TECRL: variants seen among roughly 807,000 people sequenced by gnomAD.
TECRL encodes trans-2,3-enoyl-CoA reductase like.
A neutral mutation model predicts 52.8 loss-of-function variants in TECRL; 63 were observed. The observed-to-expected ratio is 1.19, with a 90% CI of 0.97 to 1.47. The LOEUF (loss-of-function observed/expected upper bound fraction) is 1.47. Ranked by LOEUF, TECRL falls within the 40% of genes most tolerant of loss-of-function variation. The pLI is 0.00. For missense variants in TECRL, 482 were observed against 429.6 expected (o/e 1.12, Z -1.08); for synonymous variants, 164 against 141.9 (o/e 1.16, Z -1.10).
At chr4:64,369,218 C>G (rs1178143793) in intron 2 of TECRL, among the ~76,000 whole-genome samples, 2 of 152,086 alleles carry the variant, frequency 1.3e-5, no homozygotes, top group Admixed American at 1.3e-4. Flanking sequence ...CATTCATTGA[C>G]TCTTTCAATT....
intron 2 of TECRL, among the ~76,000 whole-genome samples, chr4:64,333,196 AT>A (rs1313426516): frequency 6.6e-6 from 1 of 152,142 alleles, no homozygotes; most frequent in African/African-American, 2.4e-5. Flanking sequence ...AAAACAAAAA[AT>A]GTCATAAATA....
intron 6 of TECRL, among the ~76,000 whole-genome samples, chr4:64,306,351 C>T (rs1416857252): frequency 1.3e-5 from 2 of 152,072 alleles, no homozygotes; most frequent in African/African-American, 4.8e-5. Flanking sequence ...TATCCTGGGG[C>T]AACTGAAGGT....
At chr4:64,309,049 G>C (rs1724511660) in intron 6 of TECRL, among the ~76,000 whole-genome samples, 2 of 152,110 alleles carry the variant, frequency 1.3e-5, no homozygotes, top group Non-Finnish European at 2.9e-5. Flanking sequence ...AGGAGTTGTA[G>C]TCTATAATGG....
chr4:64,350,480 T>C (rs1720304460), intron 2 of TECRL, among the ~76,000 whole-genome samples: 1 of 152,234 alleles, frequency 6.6e-6, no homozygotes, highest in African/African-American at 2.4e-5. Context: ...TGGATGTTTC[T>C]ATGAAGGTGT....
Position 64,399,145 on chromosome 4 carries a change from C to T in TECRL, c.234+9973G>A, listed in dbSNP as rs1039663445. The stretch of plus-strand genomic sequence containing the variant: ...GCATAAAAGAGAGATAAAGAAGAGG[C>T]TTTACTGGCCCAACCAGACAAACAG... On this transcript the variant is annotated intron_variant, in intron 1 of 11. Coordinates refer to ENST00000381210, the MANE Select transcript of TECRL (RefSeq NM_001010874.5). Among the ~76,000 whole-genome samples, 6 of 85,256 alleles carry T rather than the reference C, an allele frequency of 7.0e-5. No homozygotes were observed. The South Asian group carries it at 1.9e-3, about 28-fold the overall frequency. 55.9% of individuals were successfully genotyped at this position (85,256 alleles called of 152,430 possible).
At chr4:64,407,081 A>G (rs945901693) in intron 1 of TECRL, among the ~76,000 whole-genome samples, 27 of 152,090 alleles carry the variant, frequency 1.8e-4, no homozygotes, top group African/African-American at 6.5e-4. Flanking sequence ...GAAACAGTTT[A>G]TCAATTTACA....
rs905284766 is a variant in TECRL, at chr4:64,294,838, T to C, written c.775-5071A>G. Among the ~76,000 whole-genome samples, 4 of 152,112 alleles carry C rather than the reference T, an allele frequency of 2.6e-5. No individual in the cohort carries two copies. The South Asian group carries it at 8.3e-4, about 32-fold the overall frequency. ...TCAATATTTCAAAAATAAGGACAAT[T>C]GTAGCTAAATATATTATTACAAAGT... On this transcript the variant is annotated intron_variant, in intron 8 of 11. Transcript: ENST00000381210.
At chr4:64,328,366 T>C (rs1381742892) in intron 3 of TECRL, 146 bp downstream of exon 3, 1 of 585,432 alleles carries the variant, frequency 1.7e-6, no homozygotes, top group Non-Finnish European at 2.9e-6. Context: ...TATTCATTTA[T>C]AAAAGTGGAG....
chr4:64,367,424 A>G (rs1721674984), intron 2 of TECRL, among the ~76,000 whole-genome samples: 1 of 152,168 alleles, frequency 6.6e-6, no homozygotes, highest in African/African-American at 2.4e-5. Context: ...TTATAATTTT[A>G]AAACTAATGC....
At chr4:64,312,761 T>C (rs1717129685) in intron 5 of TECRL, among the ~76,000 whole-genome samples, 1 of 42,606 alleles carries the variant, frequency 2.3e-5, no homozygotes, top group African/African-American at 6.0e-5. Flanking sequence ...AGCAAGACCC[T>C]CTCTCAAAAA....
chr4:64,405,892 T>G (rs556725402), intron 1 of TECRL, among the ~76,000 whole-genome samples: 2 of 152,220 alleles, frequency 1.3e-5, no homozygotes, highest in South Asian at 4.1e-4. Context: ...AAAATGTTGT[T>G]GATATACCCA....
chr4:64,309,716 A>G lies in TECRL; in HGVS notation c.657+110T>C, dbSNP rs1577845792. 6.5e-6 allele frequency: 5 copies of G among 763,942 alleles called. No homozygotes were observed. In the East Asian group the frequency reaches 1.3e-4, roughly 19 times the overall value. The allele number at this position is 763,942 out of a possible 1,614,324, so 47.3% of individuals were successfully genotyped here. The stretch of plus-strand genomic sequence containing the variant: ...AAAGAATGTTTAAGTATGCTTATGC[A>G]ATTAAACGTGAAAATCTAAGTTTCG... On this transcript the variant is annotated intron_variant, in intron 6 of 11. Coordinates refer to ENST00000381210, the MANE Select transcript of TECRL (RefSeq NM_001010874.5).
In TECRL at chr4:64,334,030, C is replaced by CAAAAAAAAAAA. The variant is rs4034910; in HGVS notation, c.287-5485_287-5475dup. On this transcript the variant is annotated intron_variant, in intron 2 of 11. Transcript: ENST00000381210. The stretch of plus-strand genomic sequence containing the variant: ...TGGGCGACAGAGCGAGACTCCGTCT[C>CAAAAAAAAAAA]AAAAAAAAAAAAAAAAAAAGAAAAA... Among the ~76,000 whole-genome samples, 22 of 28,026 alleles carry CAAAAAAAAAAA rather than the reference C, an allele frequency of 7.8e-4. 1 individual carries two copies. The highest frequency in any genetic ancestry group is 1.7e-3 in the South Asian group (1 of 598). The allele number at this position is 28,026 out of a possible 152,430, so 18.4% of individuals were successfully genotyped here. A position where few individuals can be genotyped will look rare whatever the true frequency, so the allele number is the denominator to read the frequency against.
rs10000773 is a variant in TECRL at position 64,281,260 on chromosome 4, T to A, written c.919-174A>T. On this transcript the variant is annotated intron_variant, in intron 10 of 11. Transcript: ENST00000381210. ...CATATAAAGTCATAAGCAATCTCAT[T>A]AAATGGGATCATATTTATAAGAAAA... Among the ~76,000 whole-genome samples the A allele has an allele frequency of 0.97, 146,972 of 151,926 alleles. 71,111 individuals are homozygous for A. Among genetic ancestry groups the A allele is most frequent in the East Asian group, 1 (5,172 of 5,172 alleles).
chr4:64,321,205 T>C (rs1717874471), intron 4 of TECRL, among the ~76,000 whole-genome samples: 1 of 151,430 alleles, frequency 6.6e-6, no homozygotes, highest in Non-Finnish European at 1.5e-5. Flanking sequence ...AGAAAGACTG[T>C]TAGAAAATAT....
intron 1 of TECRL, among the ~76,000 whole-genome samples, chr4:64,378,886 TG>T (rs1242726124): frequency 9.5e-5 from 3 of 31,478 alleles, no homozygotes; most frequent in African/African-American, 2.3e-4. Context: ...TGTTTTATAT[TG>T]TATCAATTTT....
Position 64,339,621 on chromosome 4 carries a change from G to A in TECRL, c.287-11065C>T, listed in dbSNP as rs145685771. On this transcript the variant is annotated intron_variant, in intron 2 of 11. Transcript: ENST00000381210. Reference sequence around the variant, plus strand: ...TCTCCTCCACTATTTACTTATCAATGTTGATGATTTTAACATCACTTTAAT... The same window carrying A: ...TCTCCTCCACTATTTACTTATCAATATTGATGATTTTAACATCACTTTAAT... 5.5e-3 allele frequency among the ~76,000 whole-genome samples: 835 copies of A among 151,882 alleles called. 10 individuals carry two copies. The highest frequency in any genetic ancestry group is 0.018 in the African/African-American group (760 of 41,412).
At chr4:64,283,572 A>G (rs1377246132) in intron 9 of TECRL, among the ~76,000 whole-genome samples, 1 of 152,106 alleles carries the variant, frequency 6.6e-6, no homozygotes, top group Non-Finnish European at 1.5e-5. Context: ...GGCTCAACAA[A>G]CACATCTAAA....
At chr4:64,384,442 G>A (rs1723032638) in intron 1 of TECRL, among the ~76,000 whole-genome samples, 1 of 152,178 alleles carries the variant, frequency 6.6e-6, no homozygotes, top group East Asian at 1.9e-4. Context: ...TGGCAGGCTG[G>A]GAGGGGCCAT....
Sources: gnomAD v4.1 joint callset for allele counts (sites outside exome capture counted in the v4.1 genomes callset) on GRCh38, gnomAD v4.1.1 for gene constraint, MANE v1.5 for transcripts, NCBI Gene and HGNC (gene_info 2026-07-23, HGNC 2026-07-21) for gene names.